The following INPP4B variants were observed in gnomAD, a reference collection of about 807,000 sequenced individuals.
INPP4B encodes inositol polyphosphate-4-phosphatase type II B.
A neutral mutation model predicts 122.5 loss-of-function variants in INPP4B; 55 were observed. That is an observed-to-expected ratio of 0.45 (90% CI 0.36 to 0.56). INPP4B has a LOEUF of 0.56. Among genes scored for constraint, INPP4B ranks in the 20% least tolerant of loss-of-function variants. The pLI is 0.00. For missense variants in INPP4B, 1,000 were observed against 1,097.7 expected (o/e 0.91, Z 1.26); for synonymous variants, 403 against 388.7 (o/e 1.04, Z -0.43).
In INPP4B at chr4:142,488,748, A is replaced by G. The variant is rs550557252; in HGVS notation, c.-190-26022T>C. The stretch of plus-strand genomic sequence containing the variant: ...ATTTGTCTTCTCTGTCAAACCCAGT[A>G]TTGGTATTGTGTACTTTTCTTTCTT... On this transcript the variant is annotated intron_variant, in intron 2 of 25. Transcript: ENST00000262992. Among the ~76,000 whole-genome samples the G allele has an allele frequency of 2.6e-4, 39 of 152,192 alleles. No homozygotes were observed. In the Middle Eastern group the frequency reaches 0.014, roughly 53 times the overall value.
At chr4:142,519,920 A>G (rs1268747256) in intron 2 of INPP4B, among the ~76,000 whole-genome samples, 2 of 152,102 alleles carry the variant, frequency 1.3e-5, no homozygotes, top group Non-Finnish European at 2.9e-5. Context: ...TCTGTAATAG[A>G]ATTGATTAAA....
intron 2 of INPP4B, among the ~76,000 whole-genome samples, chr4:142,489,674 G>C (rs1298199710): frequency 1.3e-5 from 2 of 152,116 alleles, no homozygotes; most frequent in Non-Finnish European, 1.5e-5. Flanking sequence ...GATTACAGGT[G>C]TGAGCCACCA....
chr4:142,265,864 G>T (rs1006030842), intron 10 of INPP4B, among the ~76,000 whole-genome samples: 1 of 152,138 alleles, frequency 6.6e-6, no homozygotes, highest in Non-Finnish European at 1.5e-5. Context: ...TTGGGTGGGG[G>T]CATATCTCTA....
At chr4:142,388,614 T>A (rs1446745159) in intron 7 of INPP4B, among the ~76,000 whole-genome samples, 1 of 152,162 alleles carries the variant, frequency 6.6e-6, no homozygotes, top group Non-Finnish European at 1.5e-5. Flanking sequence ...TTCTGTTTTG[T>A]ATTGAGTTAT....
chr4:142,355,005 G>C (rs372770998), intron 7 of INPP4B, among the ~76,000 whole-genome samples: 4 of 151,946 alleles, frequency 2.6e-5, no homozygotes, highest in African/African-American at 9.7e-5. Context: ...GGGACTCTAA[G>C]ATGGCTTCAT....
intron 1 of INPP4B, among the ~76,000 whole-genome samples, chr4:142,738,332 C>T (rs1011982572): frequency 2.0e-5 from 3 of 152,032 alleles, no homozygotes; most frequent in Non-Finnish European, 4.4e-5. Flanking sequence ...AGCTGGAAAC[C>T]ATCATTCTCA....
rs538050869 is a variant in INPP4B, at chr4:142,167,789, T to C, written c.1359+5843A>G. On this transcript the variant is annotated intron_variant, in intron 16 of 25. Coordinates refer to ENST00000262992, the MANE Select transcript of INPP4B (RefSeq NM_001101669.3). Reference sequence around the variant, plus strand: ...ATTAATAAAAAAATCTATTCACATATTTACCATTTTTGGCATTGCCTATTC... The same window carrying C: ...ATTAATAAAAAAATCTATTCACATACTTACCATTTTTGGCATTGCCTATTC... 1.1e-4 allele frequency among the ~76,000 whole-genome samples: 16 copies of C among 151,808 alleles called. No homozygotes were observed. The South Asian group carries it at 3.3e-3, about 31-fold the overall frequency.
chr4:142,798,027 C>T (rs980142988), intron 1 of INPP4B, among the ~76,000 whole-genome samples: 2 of 151,492 alleles, frequency 1.3e-5, no homozygotes, highest in Non-Finnish European at 3.0e-5. Flanking sequence ...TCAATAGGGA[C>T]AGAAAAACAC....
At chr4:142,436,922 T>C (rs77175879) in intron 3 of INPP4B, among the ~76,000 whole-genome samples, 1 of 151,786 alleles carries the variant, frequency 6.6e-6, no homozygotes, top group Non-Finnish European at 1.5e-5. Context: ...GATGGATAAA[T>C]TGACAGAAGT....
chr4:142,483,163 T>C (rs561526556), intron 2 of INPP4B, among the ~76,000 whole-genome samples: 236 of 143,034 alleles, frequency 1.6e-3, no homozygotes, highest in Non-Finnish European at 2.9e-3. Context: ...TGAGTAATAA[T>C]GACTGGAGTC....
intron 1 of INPP4B, among the ~76,000 whole-genome samples, chr4:142,826,814 T>C (rs1781518071): frequency 6.6e-6 from 1 of 152,158 alleles, no homozygotes. Flanking sequence ...CCCAGGAAGT[T>C]CTTTAAAATA....
rs527797118 is a variant in INPP4B, at chr4:142,084,942, C to T, written c.2487+1202G>A. Reference sequence around the variant, plus strand: ...TAAAATAGAAAATCCAATTTATGACCTACCATTGTGAAATTTTTGTTAGAA... The same window carrying T: ...TAAAATAGAAAATCCAATTTATGACTTACCATTGTGAAATTTTTGTTAGAA... On this transcript the variant is annotated intron_variant, in intron 24 of 25. Transcript: ENST00000262992. 1.5e-4 allele frequency among the ~76,000 whole-genome samples: 23 copies of T among 152,214 alleles called. No homozygotes were observed. The South Asian group carries it at 3.9e-3, about 26-fold the overall frequency.
intron 18 of INPP4B, among the ~76,000 whole-genome samples, chr4:142,137,299 T>G (rs1804967155): frequency 1.4e-5 from 2 of 145,832 alleles, no homozygotes; most frequent in Non-Finnish European, 1.5e-5. Flanking sequence ...ATTCCCTATT[T>G]AATAAATGGT....
chr4:142,459,443 C>T (rs372635151), intron 3 of INPP4B, among the ~76,000 whole-genome samples: 38 of 150,474 alleles, frequency 2.5e-4, no homozygotes, highest in South Asian at 2.3e-3. Context: ...AAGAGTGAAA[C>T]GAAGAAGAAA....
chr4:142,304,363 C>T (rs1371973419), intron 9 of INPP4B, among the ~76,000 whole-genome samples: 2 of 152,026 alleles, frequency 1.3e-5, no homozygotes, highest in South Asian at 2.1e-4. Flanking sequence ...ACACCAACAC[C>T]GACACCATAT....
At chr4:142,033,566 T>C (rs1321077692) in intron 25 of INPP4B, among the ~76,000 whole-genome samples, 1 of 152,164 alleles carries the variant, frequency 6.6e-6, no homozygotes, top group African/African-American at 2.4e-5. Context: ...TCAACTTCCT[T>C]TGGGTCACTT....
chr4:142,173,879 G>A (rs777144675), intron 15 of INPP4B, 70 bp from the exon 16 acceptor site: 35 of 1,213,966 alleles, frequency 2.9e-5, no homozygotes, highest in Middle Eastern at 3.8e-4. Context: ...ATATCAGATG[G>A]CAAATGATAA....
At chr4:142,235,431 T>A (rs1164703472) in intron 12 of INPP4B, among the ~76,000 whole-genome samples, 1 of 151,950 alleles carries the variant, frequency 6.6e-6, no homozygotes, top group Admixed American at 6.6e-5. Flanking sequence ...ATTATTTATT[T>A]ATTTTTTTGA....
intron 17 of INPP4B, 141 bp from the exon 18 acceptor site, chr4:142,146,137 G>A (rs1027220076): frequency 1.3e-5 from 12 of 890,042 alleles, no homozygotes; most frequent in Admixed American, 2.4e-5. Flanking sequence ...CCATTAATTT[G>A]GTCAGACTAT....
Sources: allele counts gnomAD v4.1 joint callset (sites outside exome capture counted in the v4.1 genomes callset), GRCh38; gene constraint gnomAD v4.1.1; transcripts MANE v1.5; gene names NCBI Gene and HGNC (gene_info 2026-07-23, HGNC 2026-07-21).